Variants in ALK observed in about 807,000 individuals in gnomAD.
ALK encodes ALK receptor tyrosine kinase, also known as ALK tyrosine kinase receptor.
Under a neutral mutation model 163.1 loss-of-function variants are expected in ALK, and 74 were observed. The observed-to-expected ratio is 0.45, with a 90% CI of 0.38 to 0.55. The LOEUF (loss-of-function observed/expected upper bound fraction) is 0.55, where lower values mean the gene tolerates loss of function less well. Ranked by LOEUF, ALK falls within the 20% of genes least tolerant of loss-of-function variation. The pLI is 0.00. For synonymous variants in ALK, 960 were observed against 843.2 expected (o/e 1.14, Z -2.40); for missense variants, 2,063 against 2,105.3 (o/e 0.98, Z 0.39).
At chr2:29,482,027 G>A (rs1222287063) in intron 4 of ALK, among the ~76,000 whole-genome samples, 1 of 152,220 alleles carries the variant, frequency 6.6e-6, no homozygotes, top group Non-Finnish European at 1.5e-5. Flanking sequence ...AGTTGTGGCT[G>A]TCCCTTCTTG....
chr2:29,645,213 G>A (rs1676838033), intron 3 of ALK, among the ~76,000 whole-genome samples: 1 of 152,140 alleles, frequency 6.6e-6, no homozygotes, highest in African/African-American at 2.4e-5. Context: ...TCAGTTTTGG[G>A]AAATTATCAA....
At chr2:29,422,200 A>G (rs1670031228) in intron 4 of ALK, among the ~76,000 whole-genome samples, 1 of 151,514 alleles carries the variant, frequency 6.6e-6, no homozygotes, top group Admixed American at 6.6e-5. Flanking sequence ...AAAGTCTTCA[A>G]AGAACTTTAA....
chr2:29,780,032 G>A (rs940706137), intron 1 of ALK, among the ~76,000 whole-genome samples: 24 of 152,192 alleles, frequency 1.6e-4, no homozygotes, highest in African/African-American at 5.8e-4. Flanking sequence ...GCATCATTGT[G>A]GACCAAGCAT....
chr2:29,894,517 A>G (rs897619495), intron 1 of ALK, among the ~76,000 whole-genome samples: 1 of 152,088 alleles, frequency 6.6e-6, no homozygotes, highest in Non-Finnish European at 1.5e-5. Flanking sequence ...AGCTCTCACA[A>G]CTACCAATAA....
chr2:29,642,204 C>T (rs1300769786), intron 3 of ALK, among the ~76,000 whole-genome samples: 1 of 152,142 alleles, frequency 6.6e-6, no homozygotes, highest in Non-Finnish European at 1.5e-5. Context: ...TTTGGAGGAA[C>T]ATTAAAATTT....
At chr2:29,662,063 C>A (rs752150889) in intron 3 of ALK, among the ~76,000 whole-genome samples, 42 of 152,090 alleles carry the variant, frequency 2.8e-4, no homozygotes, top group Non-Finnish European at 5.7e-4. Flanking sequence ...GCGTACACTG[C>A]CATGCCTGGC....
chr2:29,653,787 C>A (rs1677100880), intron 3 of ALK, among the ~76,000 whole-genome samples: 2 of 152,092 alleles, frequency 1.3e-5, no homozygotes, highest in African/African-American at 4.8e-5. Context: ...CAGGACTGGG[C>A]ACAGTGGCTC....
intron 4 of ALK, among the ~76,000 whole-genome samples, chr2:29,506,350 G>C (rs1672320745): frequency 6.6e-6 from 1 of 152,144 alleles, no homozygotes; most frequent in South Asian, 2.1e-4. Context: ...GATCTCTAGT[G>C]GGGTAATAGA....
At chr2:29,338,807 G>A (rs56347688) in intron 5 of ALK, among the ~76,000 whole-genome samples, 5,678 of 152,240 alleles carry the variant, frequency 0.037, 393 homozygotes, top group African/African-American at 0.13. Context: ...GAAGAATGTC[G>A]TGAGGTGGGG....
At chr2:29,574,788 G>T (rs1261678437) in intron 3 of ALK, among the ~76,000 whole-genome samples, 1 of 152,224 alleles carries the variant, frequency 6.6e-6, no homozygotes, top group Non-Finnish European at 1.5e-5. Flanking sequence ...GGTACTTGGG[G>T]AGGTTCTTCT....
intron 1 of ALK, among the ~76,000 whole-genome samples, chr2:29,768,920 A>T (rs1341362671): frequency 6.6e-6 from 1 of 151,804 alleles, no homozygotes; most frequent in Admixed American, 6.6e-5. Flanking sequence ...TGCAGCCTTG[A>T]CTTCCTGGGC....
intron 3 of ALK, among the ~76,000 whole-genome samples, chr2:29,539,612 G>GTATACTTT (rs74277527): frequency 6.6e-6 from 1 of 151,796 alleles, no homozygotes; most frequent in African/African-American, 2.4e-5. Flanking sequence ...TTGAGCACAG[G>GTATACTTT]GTAGATCATA....
At position 29,193,832 on chromosome 2, in the gene ALK, C is replaced by G. The variant is rs56181542; in HGVS notation, c.4255G>C (p.Glu1419Gln). ...GAGACCAGGAGAGGAGGAACCCCCT[C>G]AGGGTCCTTGGGCCTCACAGGCACT... The part of the protein sequence containing the change: ...EKVPVRPKDP[E>Q]GVPPLLVSQQ... Residue 1419 changes from glutamate (E) to glutamine (Q), a missense_variant, in exon 29 of 29, where the codon GAG becomes CAG. By Grantham distance (29) the Glu-to-Gln change is conservative. Transcript: ENST00000389048. 6.2e-7 allele frequency: 1 copy of G among 1,610,874 alleles called. No individual in the cohort carries two copies. Among genetic ancestry groups the G allele is most frequent in the Admixed American group, 1.7e-5 (1 of 59,462 alleles).
intron 26 of ALK, 62 bp downstream of exon 26, chr2:29,207,109 C>G (rs2148151743): frequency 7.4e-7 from 1 of 1,354,462 alleles, no homozygotes; most frequent in South Asian, 1.2e-5. Flanking sequence ...GTATAGAGTC[C>G]TTTGGCCCAG....
intron 1 of ALK, among the ~76,000 whole-genome samples, chr2:29,849,039 T>A (rs1294021885): frequency 6.6e-6 from 1 of 152,172 alleles, no homozygotes; most frequent in Non-Finnish European, 1.5e-5. Context: ...CCTGACCTTC[T>A]GACTTACACA....
intron 2 of ALK, among the ~76,000 whole-genome samples, chr2:29,704,526 TAAAC>T (rs889265788): frequency 2.0e-5 from 3 of 152,196 alleles, no homozygotes; most frequent in African/African-American, 4.8e-5. Context: ...AACAATATCT[TAAAC>T]AAGTAGAAAA....
chr2:29,586,328 C>A (rs1383413021), intron 3 of ALK, among the ~76,000 whole-genome samples: 1 of 151,426 alleles, frequency 6.6e-6, no homozygotes, highest in Admixed American at 6.6e-5. Context: ...GCTTGTGTTT[C>A]CATTTTGTTA....
chr2:29,678,148 G>T (rs1677942634), intron 3 of ALK, among the ~76,000 whole-genome samples: 2 of 151,836 alleles, frequency 1.3e-5, no homozygotes, highest in Non-Finnish European at 2.9e-5. Flanking sequence ...AAGAGTGATG[G>T]TCCCTCATTT....
chr2:29,699,223 C>G (rs1042917321), intron 2 of ALK, among the ~76,000 whole-genome samples: 1 of 152,162 alleles, frequency 6.6e-6, no homozygotes. Flanking sequence ...CACCCAGGGG[C>G]AGGGGTGGGA....
Sources: gnomAD v4.1 joint callset for allele counts (sites outside exome capture counted in the v4.1 genomes callset) on GRCh38, gnomAD v4.1.1 for gene constraint, MANE v1.5 for transcripts, NCBI Gene and HGNC (gene_info 2026-07-23, HGNC 2026-07-21) for gene names.